The following ODC1 variants were observed in gnomAD, a reference collection of about 807,000 sequenced individuals.
ODC1 encodes the protein ornithine decarboxylase.
A neutral mutation model predicts 41.5 loss-of-function variants in ODC1; 18 were observed. The ratio of observed to expected loss-of-function variants is 0.43; its 90% CI spans 0.30 to 0.64. The LOEUF (loss-of-function observed/expected upper bound fraction) is 0.64, where lower values mean the gene tolerates loss of function less well. Among genes scored for constraint, ODC1 ranks in the 30% least tolerant of loss-of-function variants. The probability of loss-of-function intolerance (pLI) is 0.11; values close to 1 mark genes in which losing one functional copy is unlikely to be tolerated. For missense variants in ODC1, 504 were observed against 589.0 expected (o/e 0.86, Z 1.49); for synonymous variants, 218 against 211.6 (o/e 1.03, Z -0.26).
chr2:10,443,406 T>C, intron 7 of ODC1, 84 bp downstream of exon 7: 1 of 1,556,390 alleles, frequency 6.4e-7, no homozygotes, highest in Non-Finnish European at 8.8e-7. Flanking sequence ...CAGAACCAAC[T>C]GCCATAAAAA....
intron 3 of ODC1, 104 bp downstream of exon 3, chr2:10,444,827 T>C (rs1671954877): frequency 6.6e-6 from 6 of 904,194 alleles, no homozygotes; most frequent in South Asian, 1.5e-5. Context: ...CTACATTCCA[T>C]AACAAGACAT....
intron 6 of ODC1, 47 bp downstream of exon 6, chr2:10,443,655 C>G: frequency 6.2e-7 from 1 of 1,607,640 alleles, no homozygotes; most frequent in Non-Finnish European, 8.5e-7. Context: ...CTGTAAAACT[C>G]AAACTGTTCA....
In ODC1 at chr2:10,444,620, C is replaced by G; in HGVS notation, c.130G>C (p.Asp44His). The change falls in exon 4 of 12, where the codon GAC (aspartate) becomes CAC (histidine). Residue 44 changes from aspartate (D) to histidine (H), a missense_variant. Physicochemically the swap from Asp to His is moderately conservative, Grantham distance 81. Coordinates refer to ENST00000234111, the MANE Select transcript of ODC1 (RefSeq NM_002539.3). Reference protein sequence around the residue: ...SDDKDAFYVADLGDILKKHLR... With the variant: ...SDDKDAFYVAHLGDILKKHLR... ...TGTTTCTTTAGAATGTCTCCCAGGTCTGCCACATAGAAGGCATCCTTATCA... is the reference window on the plus strand; with the variant it reads ...TGTTTCTTTAGAATGTCTCCCAGGTGTGCCACATAGAAGGCATCCTTATCA... 2 of 1,613,742 alleles carry G rather than the reference C, an allele frequency of 1.2e-6. No individual in the cohort carries two copies. The highest frequency in any genetic ancestry group is 1.1e-5 in the South Asian group (1 of 91,012).
At chr2:10,446,772 C>CG in intron 1 of ODC1, 1 of 449,458 alleles carries the variant, frequency 2.2e-6, no homozygotes. Flanking sequence ...GGCAATGGTT[C>CG]GGGGACACAG....
chr2:10,444,257 T>C lies in ODC1; in HGVS notation c.287A>G (p.Gln96Arg), dbSNP rs1489997597. Reference sequence around the variant, plus strand: ...AGGCACCCCCAGACTCTGCACCAACTGTATTTCAGTCTGAAAAAGAAGAGT... The same window carrying C: ...AGGCACCCCCAGACTCTGCACCAACCGTATTTCAGTCTGAAAAAGAAGAGT... ...GFDCASKTEIQLVQSLGVPPE... is the reference protein window; with the variant it reads ...GFDCASKTEIRLVQSLGVPPE... Residue 96 changes from glutamine to arginine, a missense_variant, in exon 5 of 12, where the codon CAG (glutamine) becomes CGG (arginine). Transcript: ENST00000234111. 1.3e-6 allele frequency: 2 copies of C among 1,577,950 alleles called. No homozygotes were observed. Among genetic ancestry groups the C allele is most frequent in the Non-Finnish European group, 1.7e-6 (2 of 1,165,774 alleles).
rs773667272 is a variant in ODC1 at position 10,441,829 on chromosome 2, G to C, written c.1014C>G (p.Pro338=). 1.9e-6 allele frequency: 3 copies of C among 1,613,940 alleles called. No homozygotes were observed. The highest frequency in any genetic ancestry group is 1.7e-6 in the Non-Finnish European group (2 of 1,179,974). The part of the protein sequence containing the change: ...CILYDHAHVK[P]LLQKRPKPDE... ...GCTCAGAAATTACCTTTTGCAGAAG[G>C]GGCTTTACATGTGCGTGGTCATAGA... The change falls in exon 10 of 12, where the codon CCC becomes CCG. Residue 338 remains proline (P), a synonymous_variant. Coordinates refer to ENST00000234111, the MANE Select transcript of ODC1 (RefSeq NM_002539.3).
rs1417621400 is a variant in ODC1 at position 10,440,269 on chromosome 2, C to T, written c.*455G>A. Reference sequence around the variant, plus strand: ...TGGGAGGATGGGGCTTCCGTCTCACCTGTCCTCCTACCTGTGTGTGGGTGG... The same window carrying T: ...TGGGAGGATGGGGCTTCCGTCTCACTTGTCCTCCTACCTGTGTGTGGGTGG... On this transcript the variant is annotated 3_prime_UTR_variant, in exon 12 of 12. Coordinates refer to ENST00000234111, the MANE Select transcript of ODC1 (RefSeq NM_002539.3). 6.4e-6 allele frequency: 1 copy of T among 157,082 alleles called. No individual in the cohort carries two copies. Among genetic ancestry groups the T allele is most frequent in the African/African-American group, 2.4e-5 (1 of 41,486 alleles). 9.7% of individuals were successfully genotyped at this position (157,082 alleles called of 1,614,324 possible). A position where few individuals can be genotyped will look rare whatever the true frequency, so the allele number is the denominator to read the frequency against.
chr2:10,440,988 T>A, intron 11 of ODC1, 120 bp from the exon 12 acceptor site: 1 of 1,121,746 alleles, frequency 8.9e-7, no homozygotes, highest in Non-Finnish European at 1.2e-6. Flanking sequence ...ACAGGGTCTT[T>A]CTCTGTTACT....
chr2:10,446,058 T>C (rs887717276), intron 1 of ODC1, among the ~76,000 whole-genome samples: 4 of 152,218 alleles, frequency 2.6e-5, no homozygotes, highest in African/African-American at 9.6e-5. Context: ...GGGTATATAC[T>C]TCTTAAAAAC....
intron 8 of ODC1, 147 bp from the exon 9 acceptor site, chr2:10,442,321 C>T (rs921079085): frequency 1.3e-6 from 1 of 795,014 alleles, no homozygotes; most frequent in Non-Finnish European, 1.9e-6. Context: ...AGCAAAAAAA[C>T]ATCAACATCT....
intron 1 of ODC1, chr2:10,446,775 G>C: frequency 2.2e-6 from 1 of 445,746 alleles, no homozygotes. Context: ...AATGGTTCGG[G>C]GACACAGTTT....
chr2:10,440,958 GTATT>G lies in ODC1; in HGVS notation c.1242-94_1242-91del, dbSNP rs1558547945. 2.8e-6 allele frequency: 4 copies of G among 1,434,132 alleles called. No homozygotes were observed. In the Admixed American group the frequency reaches 8.7e-5, roughly 31 times the overall value. The allele number at this position is 1,434,132 out of a possible 1,614,324, so 88.8% of individuals were successfully genotyped here. On this transcript the variant is annotated intron_variant, in intron 11 of 11. Coordinates refer to ENST00000234111, the MANE Select transcript of ODC1 (RefSeq NM_002539.3). ...ACTTCCCATCAGGAAACAATTCAAT[GTATT>G]TTTTTTTTTTCTGAGACAGGGTCTT...
At chr2:10,447,244 A>G (rs28362378) in intron 1 of ODC1, among the ~76,000 whole-genome samples, 1,753 of 152,288 alleles carry the variant, frequency 0.012, 32 homozygotes, top group African/African-American at 0.038. Context: ...GTTATTTAAA[A>G]TGGTCAATCA....
rs536885548 is a variant in ODC1, at chr2:10,441,415, A to G, written c.1241+94T>C. The G allele has an allele frequency of 4.4e-5, 56 of 1,281,826 alleles. No individual in the cohort carries two copies. In the South Asian group the frequency reaches 7.3e-4, roughly 17 times the overall value. The allele number at this position is 1,281,826 out of a possible 1,614,324, so 79.4% of individuals were successfully genotyped here. A position where few individuals can be genotyped will look rare whatever the true frequency, so the allele number is the denominator to read the frequency against. On this transcript the variant is annotated intron_variant, in intron 11 of 11. Coordinates refer to ENST00000234111, the MANE Select transcript of ODC1 (RefSeq NM_002539.3). ...AAAATATCCATATATATTTAATCTT[A>G]GGCAAGACAATTTCTTATTCGTCTA...
Position 10,445,252 on chromosome 2 carries a change from C to G in ODC1, c.-115G>C, listed in dbSNP as rs755127276. The G allele has an allele frequency of 5.3e-5, 25 of 469,462 alleles. No individual in the cohort carries two copies. Among genetic ancestry groups the G allele is most frequent in the African/African-American group, 4.6e-4 (23 of 50,324 alleles). The allele number at this position is 469,462 out of a possible 1,614,324, so 29.1% of individuals were successfully genotyped here. A position where few individuals can be genotyped will look rare whatever the true frequency, so the allele number is the denominator to read the frequency against. On this transcript the variant is annotated 5_prime_UTR_variant, in exon 2 of 12. Coordinates refer to ENST00000234111, the MANE Select transcript of ODC1 (RefSeq NM_002539.3). Reference sequence around the variant, plus strand: ...AATCCCTCTGCGTGTGCCCTTGGAACAGCAGTGACAATCTGAGAAATAAAA... The same window carrying G: ...AATCCCTCTGCGTGTGCCCTTGGAAGAGCAGTGACAATCTGAGAAATAAAA...
intron 1 of ODC1, 136 bp downstream of exon 1, chr2:10,447,985 G>T (rs1375066759): frequency 2.6e-5 from 4 of 152,728 alleles, no homozygotes; most frequent in African/African-American, 9.6e-5. Flanking sequence ...CCTCAAGGTC[G>T]TGGCCCGCTC....
intron 4 of ODC1, 70 bp from the exon 5 acceptor site, chr2:10,444,337 G>A: frequency 6.6e-7 from 1 of 1,519,600 alleles, no homozygotes; most frequent in Non-Finnish European, 8.8e-7. Context: ...AAAAGCATGG[G>A]AAGTTGTCAT....
chr2:10,444,886 C>T (rs778771588), intron 3 of ODC1, 45 bp downstream of exon 3: 1 of 1,402,256 alleles, frequency 7.1e-7, no homozygotes, highest in Non-Finnish European at 1.0e-6. Context: ...TTCCACTTGC[C>T]TGGCACTCTC....
In ODC1 at chr2:10,444,604, A is replaced by C. The variant is rs776030942; in HGVS notation, c.146T>G (p.Leu49Arg). 1.9e-6 allele frequency: 3 copies of C among 1,613,992 alleles called. No individual in the cohort carries two copies. In the South Asian group the frequency reaches 3.3e-5, roughly 18 times the overall value. The change falls in exon 4 of 12, where the codon CTA becomes CGA. Residue 49 changes from leucine to arginine, a missense_variant. Leu to Arg is a moderately radical substitution (Grantham distance 102). Transcript: ENST00000234111. ...AFYVADLGDI[L>R]KKHLRWLKAL... is the part of the protein sequence containing the mutation. ...TTTTAACCACCTCAGATGTTTCTTT[A>C]GAATGTCTCCCAGGTCTGCCACATA... is the stretch of plus-strand genomic sequence containing the variant.
Sources: allele counts gnomAD v4.1 joint callset (sites outside exome capture counted in the v4.1 genomes callset), GRCh38; gene constraint gnomAD v4.1.1; transcripts MANE v1.5; gene names NCBI Gene and HGNC (gene_info 2026-07-23, HGNC 2026-07-21).